The following CNTNAP2 variants were observed in gnomAD, a reference collection of about 807,000 sequenced individuals.
CNTNAP2 encodes the protein contactin associated protein 2.
A neutral mutation model predicts 155.2 loss-of-function variants in CNTNAP2; 98 were observed. The ratio of observed to expected loss-of-function variants is 0.63; its 90% CI spans 0.54 to 0.75. CNTNAP2 has a LOEUF of 0.75. CNTNAP2 is among the 30% of genes least tolerant of loss of function. The pLI, the probability that CNTNAP2 is intolerant of heterozygous loss-of-function variation, is 0.00. For missense variants in CNTNAP2, 1,727 were observed against 1,688.1 expected, an observed-to-expected ratio of 1.02 and a Z score of -0.40; for synonymous variants, 651 against 631.2, an observed-to-expected ratio of 1.03 and a Z score of -0.47.
intron 21 of CNTNAP2, among the ~76,000 whole-genome samples, chr7:148,288,704 C>T (rs547198870): frequency 4.6e-5 from 7 of 151,484 alleles, no homozygotes; most frequent in Admixed American, 3.9e-4. Context: ...CAATCATTCC[C>T]CCTGCTTCCT....
intron 21 of CNTNAP2, among the ~76,000 whole-genome samples, chr7:148,278,430 C>T (rs767992719): frequency 7.9e-5 from 12 of 151,976 alleles, no homozygotes; most frequent in Non-Finnish European, 1.2e-4. Context: ...ATTAGCCGGG[C>T]GTGGTGGTGG....
chr7:146,895,513 ATCTGTAGT>A (rs1314605032), intron 3 of CNTNAP2, among the ~76,000 whole-genome samples: 1 of 152,164 alleles, frequency 6.6e-6, no homozygotes, highest in Non-Finnish European at 1.5e-5. Context: ...AATTATGTGT[ATCTGTAGT>A]TGTAAAAACA....
intron 13 of CNTNAP2, among the ~76,000 whole-genome samples, chr7:147,807,224 G>C (rs912513178): frequency 2.7e-5 from 4 of 149,448 alleles, no homozygotes; most frequent in African/African-American, 9.8e-5. Flanking sequence ...TTGAGAGGCT[G>C]AGCTGGGAGG....
chr7:147,253,384 T>A (rs1210395456), intron 8 of CNTNAP2, among the ~76,000 whole-genome samples: 1 of 73,456 alleles, frequency 1.4e-5, no homozygotes, highest in Non-Finnish European at 2.9e-5. Flanking sequence ...AGGTTCTCTG[T>A]TTTTTTTTTT....
chr7:146,453,262 C>T (rs576146062), intron 1 of CNTNAP2, among the ~76,000 whole-genome samples: 7 of 152,260 alleles, frequency 4.6e-5, no homozygotes, highest in Admixed American at 3.9e-4. Context: ...TCCTGAAGCT[C>T]GCATAGAGCT....
chr7:146,692,114 T>C (rs1266599693), intron 1 of CNTNAP2, among the ~76,000 whole-genome samples: 1 of 152,178 alleles, frequency 6.6e-6, no homozygotes, highest in Middle Eastern at 3.2e-3. Flanking sequence ...GGCACATTTA[T>C]GTTTTTCATC....
chr7:147,506,737 G>T lies in CNTNAP2; in HGVS notation c.1777+20696G>T, dbSNP rs2116680122. Among the ~76,000 whole-genome samples the T allele has an allele frequency of 1.3e-5, 2 of 152,290 alleles. 1 individual carries two copies. Among genetic ancestry groups the T allele is most frequent in the Middle Eastern group, 6.8e-3 (2 of 294 alleles). On this transcript the variant is annotated intron_variant, in intron 11 of 23. Transcript: ENST00000361727. ...GGGCTTTAGCAGTTGAGCCACCTGG[G>T]CCACTAACATCTACCCACTGTCTGG...
chr7:147,329,627 A>G (rs1347072116), intron 9 of CNTNAP2, among the ~76,000 whole-genome samples: 1 of 152,162 alleles, frequency 6.6e-6, no homozygotes, highest in Non-Finnish European at 1.5e-5. Context: ...GGAGGAGGGC[A>G]GAGGGCATGG....
chr7:146,340,184 A>G (rs1584877589), intron 1 of CNTNAP2, among the ~76,000 whole-genome samples: 2 of 149,698 alleles, frequency 1.3e-5, no homozygotes, highest in African/African-American at 2.4e-5. Context: ...AAAAAAAAAA[A>G]AAAAAAAGAA....
chr7:147,357,124 T>C (rs1796076946), intron 9 of CNTNAP2, among the ~76,000 whole-genome samples: 1 of 152,142 alleles, frequency 6.6e-6, no homozygotes, highest in Admixed American at 6.6e-5. Context: ...TTCTCAAACA[T>C]TCTATGAGGC....
At chr7:147,904,569 G>A (rs1585020563) in intron 14 of CNTNAP2, among the ~76,000 whole-genome samples, 1 of 152,252 alleles carries the variant, frequency 6.6e-6, no homozygotes, top group East Asian at 1.9e-4. Context: ...TTCCCCATAT[G>A]CCCAGCCATG....
chr7:146,706,958 T>C (rs1800976639), intron 1 of CNTNAP2, among the ~76,000 whole-genome samples: 1 of 151,578 alleles, frequency 6.6e-6, no homozygotes, highest in Admixed American at 6.6e-5. Flanking sequence ...TGGACTCTAC[T>C]ATTTGAAGTA....
intron 1 of CNTNAP2, among the ~76,000 whole-genome samples, chr7:146,258,166 A>G (rs802564): frequency 0.16 from 25,089 of 152,184 alleles, 4,664 homozygotes; most frequent in African/African-American, 0.46. Context: ...TGCTGAGATT[A>G]CAGGCGTGGG....
intron 21 of CNTNAP2, among the ~76,000 whole-genome samples, chr7:148,362,721 T>C (rs1270712299): frequency 6.6e-6 from 1 of 152,186 alleles, no homozygotes; most frequent in Non-Finnish European, 1.5e-5. Flanking sequence ...TCAATGCTGC[T>C]AATAGGAAGC....
chr7:146,928,623 C>G (rs1287990626), intron 3 of CNTNAP2, among the ~76,000 whole-genome samples: 3 of 152,204 alleles, frequency 2.0e-5, no homozygotes, highest in Non-Finnish European at 2.9e-5. Context: ...CGAGCCGAAG[C>G]AGGGCGAGGC....
intron 13 of CNTNAP2, among the ~76,000 whole-genome samples, chr7:147,888,136 G>A (rs1356113337): frequency 5.3e-5 from 8 of 152,080 alleles, no homozygotes; most frequent in Non-Finnish European, 1.2e-4. Flanking sequence ...TACTGTAATT[G>A]TGAATCAATA....
chr7:146,233,312 C>T (rs1274127096), intron 1 of CNTNAP2, among the ~76,000 whole-genome samples: 1 of 152,136 alleles, frequency 6.6e-6, no homozygotes, highest in African/African-American at 2.4e-5. Flanking sequence ...ATGAGGTCAA[C>T]ATGACTATTT....
chr7:146,426,062 T>C (rs1008892718), intron 1 of CNTNAP2, among the ~76,000 whole-genome samples: 2 of 150,974 alleles, frequency 1.3e-5, no homozygotes, highest in African/African-American at 4.9e-5. Context: ...GGCGCAAGCC[T>C]GTAATATGAG....
At chr7:147,564,457 A>G (rs1487324908) in intron 12 of CNTNAP2, among the ~76,000 whole-genome samples, 1 of 152,124 alleles carries the variant, frequency 6.6e-6, no homozygotes, top group Non-Finnish European at 1.5e-5. Context: ...CTTAATTTAT[A>G]AGAATCTCGA....
Sources: allele counts gnomAD v4.1 joint callset (sites outside exome capture counted in the v4.1 genomes callset), GRCh38; gene constraint gnomAD v4.1.1; transcripts MANE v1.5; gene names NCBI Gene and HGNC (gene_info 2026-07-23, HGNC 2026-07-21).